STXBP5L: variants seen among roughly 807,000 people sequenced by gnomAD.
The protein encoded by STXBP5L is syntaxin binding protein 5L.
In STXBP5L, 65 loss-of-function variants were observed where a neutral mutation model predicts 144.5. That is an observed-to-expected ratio of 0.45 (90% CI 0.37 to 0.55). The LOEUF (loss-of-function observed/expected upper bound fraction) is 0.55. Ranked by LOEUF, STXBP5L falls within the 20% of genes least tolerant of loss-of-function variation. The pLI is 0.00. For missense variants in STXBP5L, 1,298 were observed against 1,405.5 expected (o/e 0.92, Z 1.22); for synonymous variants, 505 against 469.6 (o/e 1.08, Z -0.97).
At chr3:121,261,063 C>T (rs550151903) in intron 18 of STXBP5L, among the ~76,000 whole-genome samples, 1 of 152,152 alleles carries the variant, frequency 6.6e-6, no homozygotes, top group African/African-American at 2.4e-5. Context: ...AAGCCATCTT[C>T]TGAGTTCACT....
At chr3:121,239,614 A>C (rs1179155785) in intron 13 of STXBP5L, among the ~76,000 whole-genome samples, 1 of 149,818 alleles carries the variant, frequency 6.7e-6, no homozygotes, top group Non-Finnish European at 1.5e-5. Flanking sequence ...AAGAACAAAA[A>C]ACCAAACACC....
intron 5 of STXBP5L, among the ~76,000 whole-genome samples, chr3:121,111,429 T>A (rs2043981987): frequency 6.6e-6 from 1 of 152,200 alleles, no homozygotes; most frequent in Non-Finnish European, 1.5e-5. Flanking sequence ...TTGAGGGGAC[T>A]TTTTTGTTAA....
At chr3:120,972,919 C>T (rs1940445649) in intron 3 of STXBP5L, among the ~76,000 whole-genome samples, 2 of 152,106 alleles carry the variant, frequency 1.3e-5, no homozygotes, top group Non-Finnish European at 2.9e-5. Context: ...TGGAATAAAA[C>T]TCACTCTATT....
chr3:121,007,634 T>A (rs952699232), intron 3 of STXBP5L, among the ~76,000 whole-genome samples: 2 of 152,012 alleles, frequency 1.3e-5, no homozygotes, highest in African/African-American at 4.8e-5. Context: ...CAGCAGGAGA[T>A]AACAGGATGA....
intron 19 of STXBP5L, among the ~76,000 whole-genome samples, chr3:121,312,518 G>T (rs1328927264): frequency 7.9e-6 from 1 of 127,184 alleles, no homozygotes; most frequent in Non-Finnish European, 1.6e-5. Flanking sequence ...GGGGGATTTG[G>T]CAGGGTCATA....
intron 5 of STXBP5L, among the ~76,000 whole-genome samples, chr3:121,057,956 G>GT: frequency 6.6e-6 from 1 of 151,628 alleles, no homozygotes; most frequent in Admixed American, 6.6e-5. Context: ...TTTTATTTAT[G>GT]TTTTTTGTTG....
chr3:121,050,012 C>T (rs2331521), intron 5 of STXBP5L, among the ~76,000 whole-genome samples: 32,453 of 152,020 alleles, frequency 0.21, 3,694 homozygotes, highest in Non-Finnish European at 0.26. Context: ...TCACTGTTCC[C>T]TGTGATGTGA....
chr3:121,091,340 T>G (rs1406197576), intron 5 of STXBP5L, among the ~76,000 whole-genome samples: 1 of 149,074 alleles, frequency 6.7e-6, no homozygotes, highest in African/African-American at 2.5e-5. Flanking sequence ...TTTAGAACCC[T>G]GAGGAATCGC....
intron 9 of STXBP5L, among the ~76,000 whole-genome samples, chr3:121,196,758 C>T (rs1319366155): frequency 6.6e-6 from 1 of 152,070 alleles, no homozygotes; most frequent in East Asian, 1.9e-4. Flanking sequence ...CAGCCTCAAC[C>T]TCCCTGGCTC....
intron 19 of STXBP5L, among the ~76,000 whole-genome samples, chr3:121,305,914 G>C (rs1398487029): frequency 2.6e-5 from 4 of 152,110 alleles, no homozygotes; most frequent in Non-Finnish European, 5.9e-5. Context: ...AAAATAATAA[G>C]TGAATTTAGC....
In STXBP5L at chr3:121,064,400, C is replaced by T. The variant is rs367646933; in HGVS notation, c.470+18865C>T. Reference sequence around the variant, plus strand: ...GTTGATCTTGCTAGGAGCTGCAGACCGGAGCTGTTCCTATTTGGCCATCTT... The same window carrying T: ...GTTGATCTTGCTAGGAGCTGCAGACTGGAGCTGTTCCTATTTGGCCATCTT... On this transcript the variant is annotated intron_variant, in intron 5 of 26. Coordinates refer to ENST00000471454, the MANE Select transcript of STXBP5L (RefSeq NM_001308330.2). 7.2e-5 allele frequency among the ~76,000 whole-genome samples: 11 copies of T among 151,984 alleles called. 1 individual carries two copies. Among genetic ancestry groups the T allele is most frequent in the African/African-American group, 1.7e-4 (7 of 41,440 alleles).
chr3:121,006,272 C>T (rs138336113), intron 3 of STXBP5L, among the ~76,000 whole-genome samples: 3 of 152,124 alleles, frequency 2.0e-5, no homozygotes, highest in Non-Finnish European at 2.9e-5. Flanking sequence ...ATAGTTAGCT[C>T]TTCTTGTTGA....
chr3:120,974,097 G>A (rs1291756034), intron 3 of STXBP5L, among the ~76,000 whole-genome samples: 1 of 152,106 alleles, frequency 6.6e-6, no homozygotes, highest in African/African-American at 2.4e-5. Flanking sequence ...TCTAGTTCTA[G>A]ATCCCTGAGG....
chr3:121,355,647 G>A (rs189895135), intron 20 of STXBP5L, among the ~76,000 whole-genome samples: 130 of 152,072 alleles, frequency 8.5e-4, no homozygotes, highest in African/African-American at 2.9e-3. Context: ...CCTTTAGCTC[G>A]GAGAAGTTTG....
In STXBP5L at chr3:121,176,188, CAACTGATTGACCT is replaced by C. The variant is rs545229062; in HGVS notation, c.877+18568_877+18580del. Among the ~76,000 whole-genome samples the C allele has an allele frequency of 5.9e-5, 9 of 152,088 alleles. No homozygotes were observed. In the East Asian group the frequency reaches 1.2e-3, roughly 20 times the overall value. On this transcript the variant is annotated intron_variant, in intron 9 of 26. Coordinates refer to ENST00000471454, the MANE Select transcript of STXBP5L (RefSeq NM_001308330.2). ...ATGATATTGGTAGCCTGAACCCTAT[CAACTGATTGACCT>C]AACTGACATATATAGAACAGTCAAC...
rs548188281 is a variant in STXBP5L at position 121,177,584 on chromosome 3, A to T, written c.877+19957A>T. On this transcript the variant is annotated intron_variant, in intron 9 of 26. Transcript: ENST00000471454. ...AAAATACCACCTCACATCCATTAGG[A>T]TGATTACTGTCAAAAACAAAACAAA... is the stretch of plus-strand genomic sequence containing the variant. 2.0e-5 allele frequency among the ~76,000 whole-genome samples: 3 copies of T among 152,320 alleles called. No individual in the cohort carries two copies. In the East Asian group the frequency reaches 5.8e-4, roughly 29 times the overall value.
chr3:121,093,961 G>A (rs1389996013), intron 5 of STXBP5L, among the ~76,000 whole-genome samples: 1 of 151,920 alleles, frequency 6.6e-6, no homozygotes, highest in Non-Finnish European at 1.5e-5. Flanking sequence ...CGGAGATTCT[G>A]GTACGTTGTG....
In STXBP5L at chr3:121,004,097, G is replaced by A. The variant is rs568393536; in HGVS notation, c.288-37603G>A. Among the ~76,000 whole-genome samples, 56 of 152,142 alleles carry A rather than the reference G, an allele frequency of 3.7e-4. No homozygotes were observed. The South Asian group carries it at 0.01, about 28-fold the overall frequency. ...TCCAATTCTGTGAAGAAAGTCATTGGTAGCTTGATGGGGATGGCACTGAAT... is the reference window on the plus strand; with the variant it reads ...TCCAATTCTGTGAAGAAAGTCATTGATAGCTTGATGGGGATGGCACTGAAT... On this transcript the variant is annotated intron_variant, in intron 3 of 26. Transcript: ENST00000471454.
At chr3:121,210,418 G>C (rs1329246184) in intron 10 of STXBP5L, among the ~76,000 whole-genome samples, 2 of 151,888 alleles carry the variant, frequency 1.3e-5, no homozygotes, top group African/African-American at 4.8e-5. Flanking sequence ...TTGCTGTGCA[G>C]AAGCTCTTTA....
Sources: allele counts gnomAD v4.1 joint callset (sites outside exome capture counted in the v4.1 genomes callset), GRCh38; gene constraint gnomAD v4.1.1; transcripts MANE v1.5; gene names NCBI Gene and HGNC (gene_info 2026-07-23, HGNC 2026-07-21).